RPS6KC1: variants seen among roughly 807,000 people sequenced by gnomAD.
RPS6KC1 encodes the protein inactive ribosomal protein S6 kinase delta-1.
A neutral mutation model predicts 103.8 loss-of-function variants in RPS6KC1; 54 were observed. The ratio of observed to expected loss-of-function variants is 0.52; its 90% CI spans 0.42 to 0.65. The LOEUF (loss-of-function observed/expected upper bound fraction) is 0.65. RPS6KC1 is among the 30% of genes least tolerant of loss of function. The probability of loss-of-function intolerance (pLI) is 0.00; values close to 1 mark genes in which losing one functional copy is unlikely to be tolerated. For missense variants in RPS6KC1, 1,151 were observed against 1,253.8 expected (o/e 0.92, Z 1.24); for synonymous variants, 439 against 438.7 (o/e 1.00, Z -0.01).
At chr1:213,450,277 T>C in the RPS6KC1 span, among the ~76,000 whole-genome samples, 2 of 152,182 alleles carry the variant, frequency 1.3e-5, no homozygotes, top group African/African-American at 4.8e-5. Flanking sequence ...CTTGCGATTG[T>C]ATTTTCTCAA....
chr1:213,132,814 C>T (rs928503006), intron 6 of RPS6KC1, among the ~76,000 whole-genome samples: 1 of 152,142 alleles, frequency 6.6e-6, no homozygotes, highest in African/African-American at 2.4e-5. Context: ...AGAAAATAAT[C>T]TTTCAGAGCT....
intron 6 of RPS6KC1, among the ~76,000 whole-genome samples, chr1:213,135,826 A>G (rs1448772046): frequency 1.3e-5 from 2 of 152,172 alleles, no homozygotes. Context: ...GAACTATTTC[A>G]TAGGTTCAGA....
the RPS6KC1 span, among the ~76,000 whole-genome samples, chr1:213,790,930 C>T: frequency 2.0e-5 from 2 of 99,896 alleles, no homozygotes; most frequent in African/African-American, 1.6e-4. Flanking sequence ...TGTTTTCATC[C>T]GGGTGTGTCT....
intron 4 of RPS6KC1, among the ~76,000 whole-genome samples, chr1:213,112,497 T>G (rs1387249132): frequency 1.3e-5 from 2 of 151,706 alleles, no homozygotes; most frequent in African/African-American, 2.4e-5. Context: ...TAAAAGTACC[T>G]TAATTTTTTT....
chr1:213,111,986 A>C (rs779812592), intron 4 of RPS6KC1, among the ~76,000 whole-genome samples: 8 of 152,194 alleles, frequency 5.3e-5, no homozygotes, highest in Non-Finnish European at 8.8e-5. Flanking sequence ...ATCATTTTTA[A>C]GGTTTTAGTT....
chr1:213,131,320 T>G (rs1166280423), intron 6 of RPS6KC1, among the ~76,000 whole-genome samples: 1 of 152,226 alleles, frequency 6.6e-6, no homozygotes, highest in Non-Finnish European at 1.5e-5. Flanking sequence ...CATCTTGATA[T>G]GATTAATATT....
chr1:213,665,737 T>G, the RPS6KC1 span, among the ~76,000 whole-genome samples: 1 of 152,216 alleles, frequency 6.6e-6, no homozygotes, highest in African/African-American at 2.4e-5. Flanking sequence ...TACACAAGGT[T>G]TCACTACACT....
the RPS6KC1 span, among the ~76,000 whole-genome samples, chr1:213,378,184 T>A: frequency 1.3e-5 from 2 of 152,218 alleles, no homozygotes; most frequent in African/African-American, 4.8e-5. Context: ...TTTCTCCTAA[T>A]TTAACTCTCC....
chr1:213,171,344 A>G (rs2091461638), intron 7 of RPS6KC1, among the ~76,000 whole-genome samples: 1 of 151,556 alleles, frequency 6.6e-6, no homozygotes, highest in Non-Finnish European at 1.5e-5. Context: ...AAGGAGACAG[A>G]TTTCTTTCTT....
the RPS6KC1 span, among the ~76,000 whole-genome samples, chr1:213,738,180 A>G: frequency 6.6e-6 from 1 of 152,200 alleles, no homozygotes; most frequent in African/African-American, 2.4e-5. Context: ...CAGTTACAAA[A>G]GACATCAGGA....
At chr1:213,476,434 C>T in the RPS6KC1 span, among the ~76,000 whole-genome samples, 3 of 152,186 alleles carry the variant, frequency 2.0e-5, no homozygotes, top group Non-Finnish European at 4.4e-5. Flanking sequence ...TCATGAAACA[C>T]TCTGAGTGAA....
At chr1:213,336,365 C>T in the RPS6KC1 span, among the ~76,000 whole-genome samples, 1 of 152,148 alleles carries the variant, frequency 6.6e-6, no homozygotes, top group Non-Finnish European at 1.5e-5. Context: ...CCTAAGGTTC[C>T]GACATTGCAC....
the RPS6KC1 span, among the ~76,000 whole-genome samples, chr1:213,342,931 T>G: frequency 6.6e-6 from 1 of 152,116 alleles, no homozygotes; most frequent in African/African-American, 2.4e-5. Context: ...GCAGATTTCT[T>G]GAGCTCAGGA....
At chr1:213,681,983 C>G in the RPS6KC1 span, among the ~76,000 whole-genome samples, 3 of 152,210 alleles carry the variant, frequency 2.0e-5, no homozygotes, top group African/African-American at 7.2e-5. Context: ...TTTCCCTGCT[C>G]TAAGCCATAC....
chr1:213,791,809 G>A, the RPS6KC1 span, among the ~76,000 whole-genome samples: 2 of 152,106 alleles, frequency 1.3e-5, no homozygotes, highest in Non-Finnish European at 2.9e-5. Context: ...TTATTCTCAA[G>A]GTTACCTAAT....
chr1:213,667,069 A>AG, the RPS6KC1 span, among the ~76,000 whole-genome samples: 1 of 152,220 alleles, frequency 6.6e-6, no homozygotes, highest in African/African-American at 2.4e-5. Flanking sequence ...CAGGTTTGTA[A>AG]GTCACACCTT....
the RPS6KC1 span, among the ~76,000 whole-genome samples, chr1:213,716,867 A>G: frequency 6.6e-6 from 1 of 152,238 alleles, no homozygotes; most frequent in Non-Finnish European, 1.5e-5. Flanking sequence ...CCTATGAAAA[A>G]TACTTGGGGA....
chr1:213,696,141 C>T, the RPS6KC1 span, among the ~76,000 whole-genome samples: 2 of 152,192 alleles, frequency 1.3e-5, no homozygotes, highest in African/African-American at 2.4e-5. Flanking sequence ...TGTTGACTGT[C>T]ACTTTAGTAT....
At chr1:213,401,284 T>C in the RPS6KC1 span, among the ~76,000 whole-genome samples, 1 of 152,172 alleles carries the variant, frequency 6.6e-6, no homozygotes, top group Non-Finnish European at 1.5e-5. Context: ...GACCTGTCTT[T>C]TGAGATCTGA....
Sources: gnomAD v4.1 joint callset for allele counts (sites outside exome capture counted in the v4.1 genomes callset) on GRCh38, gnomAD v4.1.1 for gene constraint, MANE v1.5 for transcripts, NCBI Gene and HGNC (gene_info 2026-07-23, HGNC 2026-07-21) for gene names.